The following TJP3 variants were observed in gnomAD, a reference collection of about 807,000 sequenced individuals.
TJP3 encodes tight junction protein ZO-3.
TJP3 carries 85 observed loss-of-function variants against 104.2 expected under a neutral mutation model. The ratio of observed to expected loss-of-function variants is 0.82; its 90% CI spans 0.68 to 0.98. The LOEUF (loss-of-function observed/expected upper bound fraction) is 0.98. Ranked by LOEUF, TJP3 falls within the 50% of genes least tolerant of loss-of-function variation. TJP3 has a pLI of 0.00. For synonymous variants in TJP3, 550 were observed against 550.6 expected, an observed-to-expected ratio of 1.00 and a Z score of 0.02; for missense variants, 1,367 against 1,322.8, an observed-to-expected ratio of 1.03 and a Z score of -0.52.
chr19:3,732,257 C>T (rs2036681512), intron 6 of TJP3, among the ~76,000 whole-genome samples: 1 of 152,024 alleles, frequency 6.6e-6, no homozygotes, highest in Admixed American at 6.6e-5. Flanking sequence ...CTAGTATCCC[C>T]ATGGGGTTGT....
At position 3,730,411 on chromosome 19, in the gene TJP3, C is replaced by T; in HGVS notation, c.318C>T (p.Ser106=). Reference sequence around the variant, plus strand: ...CCGCCACCAAAGCCAGCCCCTCCAGCCCAGGGCGCCAGGACTCGGATGAAG... The same window carrying T: ...CCGCCACCAAAGCCAGCCCCTCCAGTCCAGGGCGCCAGGACTCGGATGAAG... ...HLPATKASPS[S]PGRQDSDEDD... The change falls in exon 5 of 21, where the codon AGC becomes AGT. Residue 106 remains serine, a synonymous_variant. Coordinates refer to ENST00000541714, the MANE Select transcript of TJP3 (RefSeq NM_001267560.2). The surrounding 1 kb of genome is among the most constrained non-coding windows in gnomAD (Gnocchi z 7.3). 6.3e-7 allele frequency: 1 copy of T among 1,584,080 alleles called. No homozygotes were observed. The highest frequency in any genetic ancestry group is 1.2e-5 in the South Asian group (1 of 86,868).
rs767776356 is a variant in TJP3 at position 3,746,724 on chromosome 19, G to T, written c.2221+29G>T. 6.2e-7 allele frequency: 1 copy of T among 1,601,652 alleles called. No homozygotes were observed. The highest frequency in any genetic ancestry group is 8.5e-7 in the Non-Finnish European group (1 of 1,174,150). On this transcript the variant is annotated intron_variant, in intron 17 of 20. Transcript: ENST00000541714. This position sits in a 1 kb window ranked among gnomAD's most constrained non-coding sequence, Gnocchi z 4.1. The stretch of plus-strand genomic sequence containing the variant: ...GGGGGGTGGGTGTCCCAGGGTAGGC[G>T]GGTGGGCCCCAGCCTGAGTCTCCTG...
chr19:3,727,507 T>C (rs535423561), intron 1 of TJP3, among the ~76,000 whole-genome samples: 1 of 141,546 alleles, frequency 7.1e-6, no homozygotes, highest in South Asian at 2.3e-4. Flanking sequence ...AAAAAAGAGA[T>C]AGTACATGTA....
chr19:3,748,794 C>T (rs1299721476), intron 19 of TJP3, among the ~76,000 whole-genome samples: 1 of 150,078 alleles, frequency 6.7e-6, no homozygotes, highest in Non-Finnish European at 1.5e-5. Context: ...TCTGGAACTC[C>T]AGCCTCGGCC....
chr19:3,729,706 G>C (rs1234617578), intron 3 of TJP3, among the ~76,000 whole-genome samples: 2 of 150,254 alleles, frequency 1.3e-5, no homozygotes, highest in Non-Finnish European at 3.0e-5. Context: ...CGTTTGAAAC[G>C]AGGAGGTGGA....
rs749576022 is a variant in TJP3, at chr19:3,748,088, C to T, written c.2610+7C>T. ...GGCTCATCAGGGGGCCCAGGTGCGT[C>T]GGACATGGGGGGCAGGCCTGGGAAG... On this transcript the variant is annotated splice_region_variant and intron_variant, in intron 19 of 20. Coordinates refer to ENST00000541714, the MANE Select transcript of TJP3 (RefSeq NM_001267560.2). 16 of 1,548,138 alleles carry T rather than the reference C, an allele frequency of 1.0e-5. No homozygotes were observed. The highest frequency in any genetic ancestry group is 2.4e-5 in the South Asian group (2 of 83,326).
chr19:3,736,450 A>G, intron 11 of TJP3, 129 bp downstream of exon 11: 1 of 918,006 alleles, frequency 1.1e-6, no homozygotes. Context: ...GGGTATTTGA[A>G]CATTTCAGTG....
In TJP3 at chr19:3,746,581, C is replaced by A. The variant is rs750210634; in HGVS notation, c.2107C>A (p.Arg703=). The change falls in exon 17 of 21, where the codon CGG becomes AGG. Residue 703 remains arginine, a synonymous_variant. Coordinates refer to ENST00000541714, the MANE Select transcript of TJP3 (RefSeq NM_001267560.2). This position sits in a 1 kb window ranked among gnomAD's most constrained non-coding sequence, Gnocchi z 4.1. ...PIVVFFIPES[R]PALKALRQWL... ...TGTGGTCTTCTTCATCCCCGAGAGCCGGCCGGCCCTCAAGGCACTGCGCCA... is the reference window on the plus strand; with the variant it reads ...TGTGGTCTTCTTCATCCCCGAGAGCAGGCCGGCCCTCAAGGCACTGCGCCA... The A allele has an allele frequency of 1.2e-6, 2 of 1,613,982 alleles. No individual in the cohort carries two copies. Among genetic ancestry groups the A allele is most frequent in the Admixed American group, 3.3e-5 (2 of 60,022 alleles).
intron 1 of TJP3, among the ~76,000 whole-genome samples, chr19:3,711,568 C>T (rs1008085157): frequency 4.0e-5 from 6 of 149,214 alleles, no homozygotes; most frequent in African/African-American, 7.4e-5. Context: ...GATATTTTTT[C>T]CCAAAATAGT....
At position 3,736,363 on chromosome 19, in the gene TJP3, T is replaced by G. The variant is rs1599156871; in HGVS notation, c.1284+42T>G. ...TGGCCAGCCCCACTGATCATGGGCG[T>G]GCAGTGTGCTAGGTCCTGCCCTTGT... On this transcript the variant is annotated intron_variant, in intron 11 of 20. Transcript: ENST00000541714. 2.7e-6 allele frequency: 4 copies of G among 1,486,020 alleles called. No homozygotes were observed. The South Asian group carries it at 4.1e-5, about 15-fold the overall frequency. 92.1% of individuals were successfully genotyped at this position (1,486,020 alleles called of 1,614,324 possible).
At chr19:3,714,337 G>C (rs1450413984) in intron 1 of TJP3, among the ~76,000 whole-genome samples, 1 of 151,016 alleles carries the variant, frequency 6.6e-6, no homozygotes, top group East Asian at 2.0e-4. Context: ...GTGCCACTAC[G>C]CTTGGCTAAT....
At chr19:3,709,607 C>A (rs933098308) in intron 1 of TJP3, among the ~76,000 whole-genome samples, 3 of 152,096 alleles carry the variant, frequency 2.0e-5, no homozygotes, top group Admixed American at 1.3e-4. Flanking sequence ...CCAAGAGGGT[C>A]CCCCGGGGCC....
At chr19:3,714,771 T>C (rs2036462187) in intron 1 of TJP3, among the ~76,000 whole-genome samples, 1 of 151,948 alleles carries the variant, frequency 6.6e-6, no homozygotes, top group Non-Finnish European at 1.5e-5. Context: ...GCCTCAGTTT[T>C]CCCACAAGCA....
intron 5 of TJP3, among the ~76,000 whole-genome samples, chr19:3,731,509 TGTA>T (rs1200639882): frequency 6.6e-6 from 1 of 152,116 alleles, no homozygotes; most frequent in Non-Finnish European, 1.5e-5. Flanking sequence ...GGTGTGCACC[TGTA>T]ATCCCAGCTA....
rs774270808 is a variant in TJP3, at chr19:3,739,088, C to T, written c.1585C>T (p.Arg529Cys). 8.8e-6 allele frequency: 14 copies of T among 1,592,864 alleles called. No homozygotes were observed. The East Asian group carries it at 9.0e-5, about 10-fold the overall frequency. ...CCACTGGCTGGCGGTGCGCATGGGT[C>T]GTGACCTGCGGGAGCAAGAGCGGGG... ...GGHWLAVRMG[R>C]DLREQERGII... Residue 529 changes from arginine (R) to cysteine (C), a missense_variant, in exon 13 of 21, where the codon CGT (arginine) becomes TGT (cysteine). By Grantham distance (180) the Arg-to-Cys change is radical. Transcript: ENST00000541714.
chr19:3,730,837 T>G lies in TJP3; in HGVS notation c.613+131T>G. The G allele has an allele frequency of 1.0e-6, 1 of 969,446 alleles. No individual in the cohort carries two copies. Among genetic ancestry groups the G allele is most frequent in the Non-Finnish European group, 1.5e-6 (1 of 676,678 alleles). 60.1% of individuals were successfully genotyped at this position (969,446 alleles called of 1,614,324 possible). On this transcript the variant is annotated intron_variant, in intron 5 of 20. Transcript: ENST00000541714. This position sits in a 1 kb window ranked among gnomAD's most constrained non-coding sequence, Gnocchi z 7.3. Reference sequence around the variant, plus strand: ...CTGGGACTCCAGGCGCCCGCCACCATGCCTGGCTAATTTTTGTACTTTTGG... The same window carrying G: ...CTGGGACTCCAGGCGCCCGCCACCAGGCCTGGCTAATTTTTGTACTTTTGG...
intron 19 of TJP3, 150 bp downstream of exon 19, chr19:3,748,231 T>A: frequency 1.0e-6 from 1 of 975,958 alleles, no homozygotes; most frequent in Non-Finnish European, 1.5e-6. Flanking sequence ...AGACCTGGGG[T>A]AGCTGAGACC....
chr19:3,720,132 GA>G (rs2036528560), intron 1 of TJP3, among the ~76,000 whole-genome samples: 1 of 152,228 alleles, frequency 6.6e-6, no homozygotes, highest in Non-Finnish European at 1.5e-5. Flanking sequence ...GAGGAACAGA[GA>G]GGGGCAGTAA....
Position 3,747,890 on chromosome 19 carries a change from T to C in TJP3, c.2419T>C (p.Tyr807His). 7 of 1,613,230 alleles carry C rather than the reference T, an allele frequency of 4.3e-6. No individual in the cohort carries two copies. The highest frequency in any genetic ancestry group is 5.9e-6 in the Non-Finnish European group (7 of 1,179,936). ...CTGCGACAGCCGCGTTAACAGCGAC[T>C]ACGAGACGGACGGCGAGGGCGGCGC... ...LSCDSRVNSD[Y>H]ETDGEGGAYT... The change falls in exon 19 of 21, where the codon TAC (tyrosine) becomes CAC (histidine). Residue 807 changes from tyrosine to histidine, a missense_variant. Tyr to His is a moderately conservative substitution (Grantham distance 83). Coordinates refer to ENST00000541714, the MANE Select transcript of TJP3 (RefSeq NM_001267560.2).
Sources: gnomAD v4.1 joint callset for allele counts (sites outside exome capture counted in the v4.1 genomes callset) on GRCh38, gnomAD v4.1.1 for gene constraint, Gnocchi (gnomAD v3.1) non-coding constraint, MANE v1.5 for transcripts, NCBI Gene and HGNC (gene_info 2026-07-23, HGNC 2026-07-21) for gene names.